The following MAPK8IP2 variants were observed in gnomAD, a reference collection of about 807,000 sequenced individuals.
MAPK8IP2 encodes mitogen-activated protein kinase 8 interacting protein 2.
In MAPK8IP2, 15 loss-of-function variants were observed where a neutral mutation model predicts 75.6. The ratio of observed to expected loss-of-function variants is 0.20; its 90% CI spans 0.13 to 0.31. The LOEUF (loss-of-function observed/expected upper bound fraction) is 0.31, where lower values mean the gene tolerates loss of function less well. MAPK8IP2 is among the 10% of genes least tolerant of loss of function. MAPK8IP2 has a pLI of 1.00. For missense variants in MAPK8IP2, 1,089 were observed against 1,211.2 expected (o/e 0.90, Z 1.50); for synonymous variants, 632 against 554.5 (o/e 1.14, Z -1.96).
At position 50,604,665 on chromosome 22, in the gene MAPK8IP2, G is replaced by T; in HGVS notation, c.1366G>T (p.Ala456Ser). 2 of 1,521,368 alleles carry T rather than the reference G, an allele frequency of 1.3e-6. No homozygotes were observed. The highest frequency in any genetic ancestry group is 1.8e-6 in the Non-Finnish European group (2 of 1,139,446). The allele number at this position is 1,521,368 out of a possible 1,614,324, so 94.2% of individuals were successfully genotyped here. Residue 456 changes from alanine (A) to serine (S), a missense_variant, in exon 5 of 12, where the codon GCC becomes TCC. Ala to Ser is a moderately conservative substitution (Grantham distance 99). Around this residue, in one of 2 missense-constraint regions of MAPK8IP2, gnomAD observed 960 missense variants for 1,009.6 expected, o/e 0.95. Coordinates refer to ENST00000329492, the MANE Select transcript of MAPK8IP2 (RefSeq NM_012324.6). ...ITPLWAAPGR[A>S]ARPGRACSAA... ...GCCGCTGTGGGCCGCGCCCGGCCGC[G>T]CCGCCCGCCCGGGACGAGCCTGCTC...
At position 50,604,311 on chromosome 22, in the gene MAPK8IP2, G is replaced by C. The variant is rs1322006060; in HGVS notation, c.1012G>C (p.Glu338Gln). The C allele has an allele frequency of 6.5e-7, 1 of 1,547,330 alleles. No individual in the cohort carries two copies. The highest frequency in any genetic ancestry group is 1.2e-5 in the South Asian group (1 of 84,868). ...NSEYESGSES[E>Q]PDLSEDADSP... is the part of the protein sequence containing the mutation. ...CGAGTACGAGTCGGGGTCGGAGTCG[G>C]AGCCGGACCTCAGCGAGGACGCGGA... Residue 338 changes from glutamate (E) to glutamine (Q), a missense_variant, in exon 5 of 12, where the codon GAG becomes CAG. Glu to Gln is a conservative substitution (Grantham distance 29). Transcript: ENST00000329492.
chr22:50,600,979 C>A, intron 1 of MAPK8IP2, 96 bp downstream of exon 1: 1 of 331,180 alleles, frequency 3.0e-6, no homozygotes, highest in South Asian at 1.1e-4. Flanking sequence ...GCCGCCCCAG[C>A]CCCGCCGCCG....
Position 50,607,115 on chromosome 22 carries a change from C to G in MAPK8IP2, c.2303+124C>G, listed in dbSNP as rs1440333784. 3 of 747,654 alleles carry G rather than the reference C, an allele frequency of 4.0e-6. No homozygotes were observed. The highest frequency in any genetic ancestry group is 1.7e-5 in the African/African-American group (1 of 58,394). The allele number at this position is 747,654 out of a possible 1,614,324, so 46.3% of individuals were successfully genotyped here. A position where few individuals can be genotyped will look rare whatever the true frequency, so the allele number is the denominator to read the frequency against. ...CCCAGCCCTGAGAGCTCCACCTGCA[C>G]CCACTTAGCTCTGTGAGCTGAGCCT... On this transcript the variant is annotated intron_variant, in intron 10 of 11. Coordinates refer to ENST00000329492, the MANE Select transcript of MAPK8IP2 (RefSeq NM_012324.6). This position sits in a 1 kb window ranked among gnomAD's most constrained non-coding sequence, Gnocchi z 5.6.
In MAPK8IP2 at chr22:50,605,908, G is replaced by A. The variant is rs749959078; in HGVS notation, c.2098G>A (p.Gly700Ser). The A allele has an allele frequency of 1.0e-5, 16 of 1,581,794 alleles. No individual in the cohort carries two copies. The East Asian group carries it at 1.4e-4, about 14-fold the overall frequency. Residue 700 changes from glycine to serine, a missense_variant, in exon 8 of 12, where the codon GGC becomes AGC. This residue lies in a region of MAPK8IP2 where 129 missense variants were observed against 201.7 expected (regional missense o/e 0.64). Coordinates refer to ENST00000329492, the MANE Select transcript of MAPK8IP2 (RefSeq NM_012324.6). The stretch of plus-strand genomic sequence containing the variant: ...GGAGGTGCCCTGCCACCAGGGCAAC[G>A]GCATCCTGTGTGCAGCCATGCAGAA... ...SVEVPCHQGN[G>S]ILCAAMQKIA... is the part of the protein sequence containing the mutation.
rs2071063873 is a variant in MAPK8IP2 at position 50,606,991 on chromosome 22, G to A, written c.2303G>A (p.Cys768Tyr). The change falls in exon 10 of 12, where the codon TGC becomes TAC. Residue 768 changes from cysteine (C) to tyrosine (Y), a missense_variant and splice_region_variant. Around this residue, in one of 2 missense-constraint regions of MAPK8IP2, gnomAD observed 129 missense variants for 201.7 expected, o/e 0.64. Coordinates refer to ENST00000329492, the MANE Select transcript of MAPK8IP2 (RefSeq NM_012324.6). ...SFCGCHPRNS[C>Y]YFGFITKHPL... ...TGCGGCTGCCATCCCCGCAACAGCT[G>A]GTGAGAGTCTGACCGTCCCCGAGTC... is the stretch of plus-strand genomic sequence containing the variant. 6.2e-7 allele frequency: 1 copy of A among 1,613,454 alleles called. No individual in the cohort carries two copies. Among genetic ancestry groups the A allele is most frequent in the Non-Finnish European group, 8.5e-7 (1 of 1,179,552 alleles).
intron 10 of MAPK8IP2, among the ~76,000 whole-genome samples, chr22:50,608,789 C>T (rs1275582458): frequency 7.4e-6 from 1 of 135,762 alleles, no homozygotes; most frequent in African/African-American, 2.8e-5. Context: ...GCAGACCAGA[C>T]GGTGGGGCCA....
At chr22:50,608,596 G>A (rs149228895) in intron 10 of MAPK8IP2, among the ~76,000 whole-genome samples, 1,511 of 123,500 alleles carry the variant, frequency 0.012, 18 homozygotes, top group East Asian at 0.063. Flanking sequence ...TGGGGTCACC[G>A]GGACAGCGAA....
At position 50,603,374 on chromosome 22, in the gene MAPK8IP2, G is replaced by T. The variant is rs2070972061; in HGVS notation, c.323G>T (p.Gly108Val). Residue 108 changes from glycine to valine, a missense_variant, in exon 3 of 12, where the codon GGC becomes GTC. Gly to Val is a moderately radical substitution (Grantham distance 109). This residue lies in a region of MAPK8IP2 where 960 missense variants were observed against 1,009.6 expected (regional missense o/e 0.95). Transcript: ENST00000329492. ...EEEEEEGDGE[G>V]QEGGDPGSEA... ...GAGGAGGAGGAGGGAGATGGGGAAG[G>T]CCAGGAGGGAGGAGACCCTGGCTCA... 6.4e-7 allele frequency: 1 copy of T among 1,555,146 alleles called. No individual in the cohort carries two copies.
chr22:50,601,461 TCCCCCTCCCC>T, intron 1 of MAPK8IP2: 2 of 252,622 alleles, frequency 7.9e-6, no homozygotes, highest in South Asian at 1.4e-4. Context: ...GCGTTGCAGC[TCCCCCTCCCC>T]TGCTCTGCAA....
At position 50,604,438 on chromosome 22, in the gene MAPK8IP2, C is replaced by T; in HGVS notation, c.1139C>T (p.Pro380Leu). ...GQCLSPAPRP[P>L]GEPVSPAGGA... Reference sequence around the variant, plus strand: ...TGCCTGTCTCCTGCGCCGCGCCCGCCCGGGGAGCCCGTGTCGCCGGCCGGC... The same window carrying T: ...TGCCTGTCTCCTGCGCCGCGCCCGCTCGGGGAGCCCGTGTCGCCGGCCGGC... Residue 380 changes from proline (P) to leucine (L), a missense_variant, in exon 5 of 12, where the codon CCC becomes CTC. Around this residue, in one of 2 missense-constraint regions of MAPK8IP2, gnomAD observed 960 missense variants for 1,009.6 expected, o/e 0.95. Coordinates refer to ENST00000329492, the MANE Select transcript of MAPK8IP2 (RefSeq NM_012324.6). The T allele has an allele frequency of 5.7e-6, 8 of 1,412,694 alleles. No homozygotes were observed. Among genetic ancestry groups the T allele is most frequent in the Non-Finnish European group, 7.4e-6 (8 of 1,087,546 alleles). 87.5% of individuals were successfully genotyped at this position (1,412,694 alleles called of 1,614,324 possible).
chr22:50,605,046 A>G lies in MAPK8IP2; in HGVS notation c.1747A>G (p.Ser583Gly). The change falls in exon 5 of 12, where the codon AGC becomes GGC. Residue 583 changes from serine (S) to glycine (G), a missense_variant. This residue lies in a region of MAPK8IP2 where 960 missense variants were observed against 1,009.6 expected (regional missense o/e 0.95). Transcript: ENST00000329492. The stretch of plus-strand genomic sequence containing the variant: ...GAAGTTCCTCAATGTCTTCGTCAAC[A>G]GCACATCTCGGTCCTCCAGTGAGTG... ...SKKFLNVFVN[S>G]TSRSSSTESF... 1 of 1,612,380 alleles carries G rather than the reference A, an allele frequency of 6.2e-7. No homozygotes were observed.
chr22:50,608,780 C>T, intron 10 of MAPK8IP2, among the ~76,000 whole-genome samples: 1 of 138,452 alleles, frequency 7.2e-6, no homozygotes, highest in Non-Finnish European at 1.6e-5. Flanking sequence ...GGACGGGGCG[C>T]AGACCAGACG....
intron 5 of MAPK8IP2, 41 bp from the exon 6 acceptor site, chr22:50,605,327 T>C: frequency 1.9e-6 from 3 of 1,583,122 alleles, no homozygotes; most frequent in African/African-American, 2.7e-5. Context: ...TCTGACTCTG[T>C]CTCCCTGTCT....
chr22:50,612,098 G>A lies in MAPK8IP2; in HGVS notation c.*1319G>A, dbSNP rs563317549. 16 of 152,364 alleles carry A rather than the reference G, an allele frequency of 1.1e-4. No homozygotes were observed. Among genetic ancestry groups the A allele is most frequent in the Admixed American group, 9.8e-4 (15 of 15,302 alleles). 9.4% of individuals were successfully genotyped at this position (152,364 alleles called of 1,614,324 possible). A position where few individuals can be genotyped will look rare whatever the true frequency, so the allele number is the denominator to read the frequency against. ...AAGGCATGAGAATCGCTTGAACCTG[G>A]GAGGCGGAGGTTGCAGTGAGCCAAG... On this transcript the variant is annotated 3_prime_UTR_variant, in exon 12 of 12. Transcript: ENST00000329492.
Position 50,610,812 on chromosome 22 carries a change from T to G in MAPK8IP2, c.*33T>G, listed in dbSNP as rs1395490828. On this transcript the variant is annotated 3_prime_UTR_variant, in exon 12 of 12. Transcript: ENST00000329492. The surrounding 1 kb of genome is among the most constrained non-coding windows in gnomAD (Gnocchi z 4.3). ...ACCGCTCTGTCTCCTGGCCGTCTGC[T>G]CCAGGCGCAGCTGGGGCTGAGGATG... 4 of 1,548,654 alleles carry G rather than the reference T, an allele frequency of 2.6e-6. No homozygotes were observed. Among genetic ancestry groups the G allele is most frequent in the Non-Finnish European group, 3.5e-6 (4 of 1,139,664 alleles).
At position 50,605,841 on chromosome 22, in the gene MAPK8IP2, C is replaced by T. The variant is rs769059473; in HGVS notation, c.2031C>T (p.Pro677=). 4 of 1,587,912 alleles carry T rather than the reference C, an allele frequency of 2.5e-6. No homozygotes were observed. Among genetic ancestry groups the T allele is most frequent in the Non-Finnish European group, 3.4e-6 (4 of 1,168,378 alleles). Reference sequence around the variant, plus strand: ...GCTCCCCAGGGAGTAAGCGGAGCCCCTGCTGGGTGGAGCGCTTTGACGTGC... The same window carrying T: ...GCTCCCCAGGGAGTAAGCGGAGCCCTTGCTGGGTGGAGCGCTTTGACGTGC... ...AKDLLGSKRS[P]CWVERFDVQF... The change falls in exon 8 of 12, where the codon CCC becomes CCT. Residue 677 remains proline (P), a synonymous_variant. Transcript: ENST00000329492.
Position 50,605,625 on chromosome 22 carries a change from C to T in MAPK8IP2, c.1905C>T (p.Ala635=), listed in dbSNP as rs368870828. ...LDVDDPVLVE[A]EEDDFWFRGF... ...TGGATGACCCTGTGTTGGTGGAGGCCGAGGAGGACGACTTCTGGTTCCGTG... is the reference window on the plus strand; with the variant it reads ...TGGATGACCCTGTGTTGGTGGAGGCTGAGGAGGACGACTTCTGGTTCCGTG... Residue 635 remains alanine, a synonymous_variant, in exon 7 of 12, where the codon GCC becomes GCT. Coordinates refer to ENST00000329492, the MANE Select transcript of MAPK8IP2 (RefSeq NM_012324.6). The T allele has an allele frequency of 6.8e-5, 110 of 1,610,020 alleles. No individual in the cohort carries two copies. The highest frequency in any genetic ancestry group is 6.5e-4 in the African/African-American group (49 of 74,876).
In MAPK8IP2 at chr22:50,603,698, C is replaced by T. The variant is rs2146680822; in HGVS notation, c.520C>T (p.Pro174Ser). ...CTGGCAGGAGACAGCGCTATGCTCA[C>T]CCGCCCCGGAGGCCCTCAGAGGTGA... The part of the protein sequence containing the change: ...ASWQETALCS[P>S]APEALRELPG... Residue 174 changes from proline to serine, a missense_variant, in exon 4 of 12, where the codon CCC becomes TCC. Pro to Ser is a moderately conservative substitution (Grantham distance 74). Coordinates refer to ENST00000329492, the MANE Select transcript of MAPK8IP2 (RefSeq NM_012324.6). 6.3e-7 allele frequency: 1 copy of T among 1,578,164 alleles called. No individual in the cohort carries two copies. The highest frequency in any genetic ancestry group is 1.2e-5 in the South Asian group (1 of 86,472).
At chr22:50,602,436 C>T (rs1248818251) in intron 2 of MAPK8IP2, among the ~76,000 whole-genome samples, 4 of 152,338 alleles carry the variant, frequency 2.6e-5, no homozygotes, top group East Asian at 3.9e-4. Context: ...TGGAACAGGA[C>T]AGCTGCTCTC....
Sources: gnomAD v4.1 joint callset for allele counts (sites outside exome capture counted in the v4.1 genomes callset) on GRCh38, gnomAD v4.1.1 for gene constraint, gnomAD v4.1.1 regional missense constraint, Gnocchi (gnomAD v3.1) non-coding constraint, MANE v1.5 for transcripts, NCBI Gene and HGNC (gene_info 2026-07-23, HGNC 2026-07-21) for gene names.